The following LRRC1 variants were observed in gnomAD, a reference collection of about 807,000 sequenced individuals.
The protein encoded by LRRC1 is leucine rich repeat containing 1.
Under a neutral mutation model 69.9 loss-of-function variants are expected in LRRC1, and 28 were observed. The ratio of observed to expected loss-of-function variants is 0.40; its 90% CI spans 0.30 to 0.55. The LOEUF (loss-of-function observed/expected upper bound fraction) is 0.55. Among genes scored for constraint, LRRC1 ranks in the 20% least tolerant of loss-of-function variants. The pLI, the probability that LRRC1 is intolerant of heterozygous loss-of-function variation, is 0.47. For missense variants in LRRC1, 498 were observed against 609.0 expected, an observed-to-expected ratio of 0.82 and a Z score of 1.92; for synonymous variants, 236 against 240.2, an observed-to-expected ratio of 0.98 and a Z score of 0.16.
chr6:53,920,490 C>G, intron 12 of LRRC1, 135 bp from the exon 13 acceptor site: 1 of 838,084 alleles, frequency 1.2e-6, no homozygotes, highest in Non-Finnish European at 1.8e-6. Context: ...AAACTTGCAA[C>G]AGAACACCCC....
intron 4 of LRRC1, among the ~76,000 whole-genome samples, chr6:53,892,701 G>T (rs1767743546): frequency 6.6e-6 from 1 of 152,204 alleles, no homozygotes; most frequent in Non-Finnish European, 1.5e-5. Flanking sequence ...TTCCAATTCT[G>T]CATTTAGGCT....
chr6:53,826,187 A>G (rs1414182547), intron 1 of LRRC1, among the ~76,000 whole-genome samples: 2 of 116,410 alleles, frequency 1.7e-5, no homozygotes, highest in African/African-American at 6.4e-5. Context: ...TGTCTCCTCC[A>G]CATATCTGCC....
At chr6:53,859,960 A>G (rs1420119222) in intron 2 of LRRC1, among the ~76,000 whole-genome samples, 3 of 152,196 alleles carry the variant, frequency 2.0e-5, no homozygotes, top group East Asian at 3.9e-4. Flanking sequence ...CCAATGACCA[A>G]GAGAAAACTG....
At chr6:53,889,040 TA>T (rs1322126879) in intron 4 of LRRC1, among the ~76,000 whole-genome samples, 5 of 152,144 alleles carry the variant, frequency 3.3e-5, no homozygotes, top group Non-Finnish European at 7.4e-5. Context: ...TAAAAATGGT[TA>T]AAGGATTCGA....
chr6:53,891,469 T>G (rs1275856191), intron 4 of LRRC1, among the ~76,000 whole-genome samples: 1 of 148,156 alleles, frequency 6.7e-6, no homozygotes, highest in Non-Finnish European at 1.5e-5. Flanking sequence ...ATCTGGTAAG[T>G]GAGGAAAGCA....
chr6:53,923,684 G>T lies in LRRC1; in HGVS notation c.*891G>T, dbSNP rs1768804699. 1 of 152,464 alleles carries T rather than the reference G, an allele frequency of 6.6e-6. No individual in the cohort carries two copies. The highest frequency in any genetic ancestry group is 1.5e-5 in the Non-Finnish European group (1 of 68,016). The allele number at this position is 152,464 out of a possible 1,614,324, so 9.4% of individuals were successfully genotyped here. ...GTGTCAGACTGTGCCTACTCTGATGGTATGTGCCATTTGTAAAATAAAATA... is the reference window on the plus strand; with the variant it reads ...GTGTCAGACTGTGCCTACTCTGATGTTATGTGCCATTTGTAAAATAAAATA... On this transcript the variant is annotated 3_prime_UTR_variant, in exon 14 of 14. Coordinates refer to ENST00000370888, the MANE Select transcript of LRRC1 (RefSeq NM_018214.5).
At chr6:53,810,708 C>T (rs1213364703) in intron 1 of LRRC1, among the ~76,000 whole-genome samples, 2 of 152,064 alleles carry the variant, frequency 1.3e-5, no homozygotes, top group East Asian at 3.8e-4. Flanking sequence ...CAAAAACATA[C>T]ATAAATAGGG....
At chr6:53,912,160 C>T (rs1768433067) in intron 10 of LRRC1, among the ~76,000 whole-genome samples, 1 of 152,090 alleles carries the variant, frequency 6.6e-6, no homozygotes, top group Admixed American at 6.5e-5. Flanking sequence ...ACTATACTTG[C>T]CAAGTACCTT....
chr6:53,867,823 C>T (rs1350050961), intron 2 of LRRC1, among the ~76,000 whole-genome samples: 1 of 151,598 alleles, frequency 6.6e-6, no homozygotes, highest in Non-Finnish European at 1.5e-5. Flanking sequence ...GGCGTGGTGG[C>T]GTGCACCTGT....
intron 4 of LRRC1, among the ~76,000 whole-genome samples, chr6:53,894,926 T>C (rs988719616): frequency 6.6e-6 from 1 of 150,564 alleles, no homozygotes; most frequent in Admixed American, 6.6e-5. Context: ...TAGCGGGGAG[T>C]TTTTTTTTCT....
At chr6:53,859,508 A>G (rs1202286340) in intron 2 of LRRC1, among the ~76,000 whole-genome samples, 1 of 152,236 alleles carries the variant, frequency 6.6e-6, no homozygotes, top group Admixed American at 6.5e-5. Context: ...GACTGGGTCA[A>G]GACCCTAAAC....
chr6:53,892,009 T>TACACACACACAC (rs761476094), intron 4 of LRRC1, among the ~76,000 whole-genome samples: 1,805 of 74,474 alleles, frequency 0.024, 25 homozygotes, highest in East Asian at 0.091. Flanking sequence ...AATATATATA[T>TACACACACACAC]ATACACACAC....
intron 2 of LRRC1, among the ~76,000 whole-genome samples, chr6:53,870,852 A>G (rs1766860014): frequency 6.6e-6 from 1 of 152,088 alleles, no homozygotes; most frequent in Non-Finnish European, 1.5e-5. Flanking sequence ...TATGAGATCA[A>G]CTTCTTTAGG....
chr6:53,903,211 C>G (rs1213712364), intron 9 of LRRC1, among the ~76,000 whole-genome samples: 1 of 152,154 alleles, frequency 6.6e-6, no homozygotes, highest in African/African-American at 2.4e-5. Context: ...CGCTCTTGAT[C>G]AAGGAGCCAG....
chr6:53,841,181 GCTGTGGTAGGACTTAC>G (rs1470476645), intron 1 of LRRC1, among the ~76,000 whole-genome samples: 2 of 152,214 alleles, frequency 1.3e-5, no homozygotes, highest in Non-Finnish European at 2.9e-5. Context: ...GCTGTGCTTA[GCTGTGGTAGGACTTAC>G]CTCTTCTGGA....
intron 2 of LRRC1, among the ~76,000 whole-genome samples, chr6:53,876,758 A>T (rs1242753930): frequency 6.6e-6 from 1 of 152,164 alleles, no homozygotes; most frequent in East Asian, 1.9e-4. Context: ...GTATGTTCCC[A>T]CGGTCTTGGA....
Position 53,841,725 on chromosome 6 carries a change from T to C in LRRC1, c.160-385T>C, listed in dbSNP as rs536165262. 1.2e-3 allele frequency among the ~76,000 whole-genome samples: 184 copies of C among 152,248 alleles called. 2 individuals are homozygous for C. Among genetic ancestry groups the C allele is most frequent in the African/African-American group, 4.1e-3 (171 of 41,574 alleles). On this transcript the variant is annotated intron_variant, in intron 1 of 13. Transcript: ENST00000370888. Reference sequence around the variant, plus strand: ...AATGTCTTTTTAAAATATTTTAAAATTTAAATAATATTTTTAAAAGACATT... The same window carrying C: ...AATGTCTTTTTAAAATATTTTAAAACTTAAATAATATTTTTAAAAGACATT...
chr6:53,855,717 G>A (rs1766288866), intron 2 of LRRC1, among the ~76,000 whole-genome samples: 1 of 152,172 alleles, frequency 6.6e-6, no homozygotes, highest in African/African-American at 2.4e-5. Context: ...ATGGAAATGT[G>A]CTTTATCACA....
chr6:53,873,502 C>T (rs1034393560), intron 2 of LRRC1, among the ~76,000 whole-genome samples: 7 of 149,224 alleles, frequency 4.7e-5, no homozygotes, highest in East Asian at 4.0e-4. Flanking sequence ...GGTTTCACTG[C>T]GCTAGCCAGG....
Sources: gnomAD v4.1 joint callset for allele counts (sites outside exome capture counted in the v4.1 genomes callset) on GRCh38, gnomAD v4.1.1 for gene constraint, MANE v1.5 for transcripts, NCBI Gene and HGNC (gene_info 2026-07-23, HGNC 2026-07-21) for gene names.